The following DISC1 variants were observed in gnomAD, a reference collection of about 807,000 sequenced individuals.
The protein encoded by DISC1 is disrupted in schizophrenia 1 protein.
In DISC1, 57 loss-of-function variants were observed where a neutral mutation model predicts 84.5. The observed-to-expected ratio is 0.67, with a 90% CI of 0.55 to 0.84. The LOEUF (loss-of-function observed/expected upper bound fraction) is 0.84, where lower values mean the gene tolerates loss of function less well. Ranked by LOEUF, DISC1 falls within the 40% of genes least tolerant of loss-of-function variation. DISC1 has a pLI of 0.00. For missense variants in DISC1, 1,000 were observed against 1,057.8 expected (o/e 0.95, Z 0.76); for synonymous variants, 411 against 415.2 (o/e 0.99, Z 0.12).
intron 9 of DISC1, among the ~76,000 whole-genome samples, chr1:231,864,270 T>C (rs2084888465): frequency 6.6e-6 from 1 of 152,234 alleles, no homozygotes; most frequent in Admixed American, 6.5e-5. Flanking sequence ...GGCTTCCCTA[T>C]ATGTCGTCTG....
intron 9 of DISC1, among the ~76,000 whole-genome samples, chr1:231,913,474 T>A (rs1572018726): frequency 6.6e-6 from 1 of 152,192 alleles, no homozygotes; most frequent in East Asian, 1.9e-4. Context: ...ATTTCCTTCT[T>A]TCCCTGATTG....
intron 11 of DISC1, among the ~76,000 whole-genome samples, chr1:232,014,453 A>G (rs821644): frequency 0.34 from 52,400 of 151,954 alleles, 9,245 homozygotes; most frequent in East Asian, 0.42. Context: ...TATCTCCACT[A>G]CATTTTGAAG....
intron 9 of DISC1, among the ~76,000 whole-genome samples, chr1:231,845,653 A>T (rs2083399836): frequency 6.6e-6 from 1 of 152,152 alleles, no homozygotes; most frequent in African/African-American, 2.4e-5. Flanking sequence ...GGAGAAAGGC[A>T]ACTGGGTTCG....
chr1:231,936,441 C>A (rs1012043487), intron 9 of DISC1, among the ~76,000 whole-genome samples: 8 of 152,134 alleles, frequency 5.3e-5, no homozygotes, highest in African/African-American at 1.4e-4. Context: ...GTCTGACACC[C>A]CTGCACTCTC....
intron 9 of DISC1, among the ~76,000 whole-genome samples, chr1:231,901,555 G>T (rs1018907023): frequency 6.6e-6 from 1 of 152,128 alleles, no homozygotes; most frequent in South Asian, 2.1e-4. Context: ...CGTACTGGGA[G>T]CATTCGGCCC....
At chr1:231,931,899 G>C (rs780560796) in intron 9 of DISC1, among the ~76,000 whole-genome samples, 2 of 152,036 alleles carry the variant, frequency 1.3e-5, no homozygotes, top group Non-Finnish European at 2.9e-5. Context: ...CAATCCTCCT[G>C]TCTTGGCCTC....
intron 10 of DISC1, among the ~76,000 whole-genome samples, chr1:231,976,552 A>G (rs1378665249): frequency 6.6e-6 from 1 of 152,196 alleles, no homozygotes; most frequent in Non-Finnish European, 1.5e-5. Context: ...ACAAACAAGG[A>G]GCATAGACAC....
intron 9 of DISC1, among the ~76,000 whole-genome samples, chr1:231,940,109 C>A (rs1349430442): frequency 6.6e-6 from 1 of 152,056 alleles, no homozygotes; most frequent in Admixed American, 6.5e-5. Flanking sequence ...ACCTCCCTCA[C>A]CTCCACCTCC....
rs1234546400 is a variant in DISC1 at position 231,633,985 on chromosome 1, G to T, written c.67+7051G>T. 4.0e-5 allele frequency among the ~76,000 whole-genome samples: 6 copies of T among 150,126 alleles called. 1 individual carries two copies. The East Asian group carries it at 8.1e-4, about 20-fold the overall frequency. Reference sequence around the variant, plus strand: ...TGCAACCTCCGCCTCCCAGGTTCAAGCAATTCTTCTGCCTCAGCCTCCCAA... The same window carrying T: ...TGCAACCTCCGCCTCCCAGGTTCAATCAATTCTTCTGCCTCAGCCTCCCAA... On this transcript the variant is annotated intron_variant, in intron 1 of 12. Coordinates refer to ENST00000439617, the MANE Select transcript of DISC1 (RefSeq NM_018662.3).
At position 231,808,973 on chromosome 1, in the gene DISC1, T is replaced by A. The variant is rs55905174; in HGVS notation, c.1792+8763T>A. Among the ~76,000 whole-genome samples, 1,471 of 152,216 alleles carry A rather than the reference T, an allele frequency of 9.7e-3. 20 individuals are homozygous for A. The highest frequency in any genetic ancestry group is 0.034 in the African/African-American group (1,405 of 41,534). ...TCCTTTGTCCCTGGGCCACTCCAGATAGGAATGAAGCATCATGCAGAGAGA... is the reference window on the plus strand; with the variant it reads ...TCCTTTGTCCCTGGGCCACTCCAGAAAGGAATGAAGCATCATGCAGAGAGA... On this transcript the variant is annotated intron_variant, in intron 8 of 12. Transcript: ENST00000439617.
chr1:231,638,167 A>C (rs2059347285), intron 1 of DISC1, among the ~76,000 whole-genome samples: 1 of 152,106 alleles, frequency 6.6e-6, no homozygotes, highest in Non-Finnish European at 1.5e-5. Flanking sequence ...TCCTTTTCAC[A>C]CTTTTTAATG....
In DISC1 at chr1:231,895,362, C is replaced by G. The variant is rs926760528; in HGVS notation, c.1982-63466C>G. 2.6e-5 allele frequency among the ~76,000 whole-genome samples: 4 copies of G among 151,694 alleles called. No individual in the cohort carries two copies. In the South Asian group the frequency reaches 8.3e-4, roughly 32 times the overall value. ...TTTTATATGTATACTGTCACTCACACACTATATATCACTACATATTTGTAT... is the reference window on the plus strand; with the variant it reads ...TTTTATATGTATACTGTCACTCACAGACTATATATCACTACATATTTGTAT... On this transcript the variant is annotated intron_variant, in intron 9 of 12. Transcript: ENST00000439617.
chr1:232,003,321 G>T (rs1177033457), intron 10 of DISC1, among the ~76,000 whole-genome samples: 3 of 152,084 alleles, frequency 2.0e-5, no homozygotes, highest in Non-Finnish European at 2.9e-5. Context: ...AAGAGTGTTG[G>T]AATAACAATT....
intron 9 of DISC1, among the ~76,000 whole-genome samples, chr1:231,851,077 C>T (rs2083863031): frequency 6.6e-6 from 1 of 152,168 alleles, no homozygotes; most frequent in Non-Finnish European, 1.5e-5. Flanking sequence ...GGCCTGCCTT[C>T]CACAGGACGA....
chr1:231,725,819 A>G (rs1278635695), intron 3 of DISC1, among the ~76,000 whole-genome samples: 1 of 150,292 alleles, frequency 6.7e-6, no homozygotes, highest in East Asian at 2.0e-4. Flanking sequence ...GGCTGGGTCC[A>G]TATGCCCAAG....
chr1:231,835,326 C>G (rs975097563), intron 9 of DISC1, among the ~76,000 whole-genome samples: 1 of 151,888 alleles, frequency 6.6e-6, no homozygotes, highest in Non-Finnish European at 1.5e-5. Context: ...GGGCTGAGTC[C>G]GAAAAGAGAG....
chr1:232,033,771 T>C (rs967179329), intron 12 of DISC1, among the ~76,000 whole-genome samples: 1 of 152,222 alleles, frequency 6.6e-6, no homozygotes, highest in Non-Finnish European at 1.5e-5. Flanking sequence ...TTTCCAGTGG[T>C]TTATTTTATA....
chr1:231,839,239 C>T (rs936448428), intron 9 of DISC1, among the ~76,000 whole-genome samples: 24 of 152,130 alleles, frequency 1.6e-4, no homozygotes, highest in Non-Finnish European at 1.5e-5. Flanking sequence ...CCCAGCCCTA[C>T]CACTTAGCAG....
At chr1:231,980,832 T>C (rs1663492320) in intron 10 of DISC1, among the ~76,000 whole-genome samples, 1 of 152,180 alleles carries the variant, frequency 6.6e-6, no homozygotes, top group Non-Finnish European at 1.5e-5. Flanking sequence ...GGGGTGGAAG[T>C]GTGAGGAAAC....
Sources: gnomAD v4.1 joint callset for allele counts (sites outside exome capture counted in the v4.1 genomes callset) on GRCh38, gnomAD v4.1.1 for gene constraint, MANE v1.5 for transcripts, NCBI Gene and HGNC (gene_info 2026-07-23, HGNC 2026-07-21) for gene names.